Variants in ASIC2 observed in about 807,000 individuals in gnomAD.
The protein encoded by ASIC2 is acid sensing ion channel subunit 2, also known as acid-sensing ion channel 2.
Under a neutral mutation model 57.3 loss-of-function variants are expected in ASIC2, and 25 were observed. That is an observed-to-expected ratio of 0.44 (90% CI 0.32 to 0.61). The LOEUF (loss-of-function observed/expected upper bound fraction) is 0.61. Ranked by LOEUF, ASIC2 falls within the 20% of genes least tolerant of loss-of-function variation. The pLI, the probability that ASIC2 is intolerant of heterozygous loss-of-function variation, is 0.06. For missense variants in ASIC2, 641 were observed against 738.1 expected, an observed-to-expected ratio of 0.87 and a Z score of 1.52; for synonymous variants, 319 against 307.5, an observed-to-expected ratio of 1.04 and a Z score of -0.39.
rs1910068712 is a variant in ASIC2, at chr17:34,085,321, T to A, written c.555+70657A>T. On this transcript the variant is annotated intron_variant, in intron 1 of 9. Transcript: ENST00000359872. ...CATGTGGTTTTTGTCTTTGGTTCTGTTTATATGCTGGATTACATTTACTGA... is the reference window on the plus strand; with the variant it reads ...CATGTGGTTTTTGTCTTTGGTTCTGATTATATGCTGGATTACATTTACTGA... Among the ~76,000 whole-genome samples, 3 of 152,356 alleles carry A rather than the reference T, an allele frequency of 2.0e-5. No homozygotes were observed. In the South Asian group the frequency reaches 6.2e-4, roughly 32 times the overall value.
chr17:33,175,759 C>T (rs1452148244), intron 1 of ASIC2, among the ~76,000 whole-genome samples: 1 of 152,188 alleles, frequency 6.6e-6, no homozygotes, highest in African/African-American at 2.4e-5. Context: ...CCACTCAGAC[C>T]TTCCCATCTC....
At chr17:34,153,501 A>C (rs1293436208) in intron 1 of ASIC2, among the ~76,000 whole-genome samples, 4 of 152,214 alleles carry the variant, frequency 2.6e-5, no homozygotes, top group Non-Finnish European at 5.9e-5. Context: ...AAAAAGACAG[A>C]GGGACAAAGG....
At chr17:33,232,446 AATGGT>A (rs796183336) in intron 1 of ASIC2, among the ~76,000 whole-genome samples, 4,631 of 127,916 alleles carry the variant, frequency 0.036, 209 homozygotes, top group African/African-American at 0.11. Flanking sequence ...TATGGTATGG[AATGGT>A]ATGGTATGGT....
intron 1 of ASIC2, among the ~76,000 whole-genome samples, chr17:34,125,179 C>T (rs1043473435): frequency 6.6e-6 from 1 of 151,966 alleles, no homozygotes; most frequent in African/African-American, 2.4e-5. Context: ...GTGCTACTGA[C>T]ACACAACAGC....
intron 1 of ASIC2, among the ~76,000 whole-genome samples, chr17:33,151,166 A>AAC (rs958668226): frequency 3.4e-5 from 5 of 145,054 alleles, no homozygotes; most frequent in South Asian, 2.3e-4. Flanking sequence ...TCTCTACTAA[A>AAC]ACACACACAC....
At chr17:33,525,371 A>T (rs1278330667) in intron 1 of ASIC2, among the ~76,000 whole-genome samples, 1 of 151,040 alleles carries the variant, frequency 6.6e-6, no homozygotes, top group African/African-American at 2.4e-5. Flanking sequence ...TGAGGCTACC[A>T]CTCCACCACC....
chr17:33,656,292 A>ATC (rs937558352), intron 1 of ASIC2, among the ~76,000 whole-genome samples: 27 of 152,192 alleles, frequency 1.8e-4, no homozygotes, highest in African/African-American at 6.5e-4. Flanking sequence ...GAGAAAGAGA[A>ATC]TCAGATTGAC....
chr17:33,130,665 G>A (rs1304905703), intron 1 of ASIC2, among the ~76,000 whole-genome samples: 1 of 152,162 alleles, frequency 6.6e-6, no homozygotes, highest in African/African-American at 2.4e-5. Context: ...GGATAACCTT[G>A]GCCTGGATCC....
intron 1 of ASIC2, chr17:34,118,240 T>TACCAGTGGAATCAATGAGTAC (rs1911487193): frequency 6.6e-6 from 1 of 152,208 alleles, no homozygotes; most frequent in African/African-American, 2.4e-5. Flanking sequence ...AGTATACACC[T>TACCAGTGGAATCAATGAGTAC]CACAGAGCTA....
chr17:33,325,992 C>T (rs1907062353), intron 1 of ASIC2, among the ~76,000 whole-genome samples: 1 of 152,048 alleles, frequency 6.6e-6, no homozygotes, highest in Non-Finnish European at 1.5e-5. Context: ...CTGTTTTATC[C>T]TACTTAATTC....
chr17:33,579,798 A>G (rs942846892), intron 1 of ASIC2, among the ~76,000 whole-genome samples: 1 of 152,048 alleles, frequency 6.6e-6, no homozygotes, highest in Non-Finnish European at 1.5e-5. Flanking sequence ...CCACACCGTG[A>G]AAAACACCCC....
intron 1 of ASIC2, among the ~76,000 whole-genome samples, chr17:33,604,996 A>G (rs1044477591): frequency 6.6e-6 from 1 of 151,760 alleles, no homozygotes; most frequent in Non-Finnish European, 1.5e-5. Flanking sequence ...ATTGCCCTAC[A>G]CACATATATT....
chr17:33,632,320 A>C (rs1045396258), intron 1 of ASIC2, among the ~76,000 whole-genome samples: 85 of 152,188 alleles, frequency 5.6e-4, no homozygotes, highest in African/African-American at 2.0e-3. Context: ...AAAACAACAT[A>C]ATAATAACGC....
chr17:33,877,187 G>A (rs373995450), intron 1 of ASIC2, among the ~76,000 whole-genome samples: 19 of 152,310 alleles, frequency 1.2e-4, no homozygotes, highest in South Asian at 4.1e-4. Flanking sequence ...AGCTCCCAGC[G>A]TGAGCAACGC....
At chr17:34,057,885 T>C (rs894924743) in intron 1 of ASIC2, among the ~76,000 whole-genome samples, 4 of 151,536 alleles carry the variant, frequency 2.6e-5, no homozygotes, top group Non-Finnish European at 5.9e-5. Context: ...CTTTCCACAT[T>C]TTCACACTCC....
At chr17:33,261,826 G>A (rs899112141) in intron 1 of ASIC2, among the ~76,000 whole-genome samples, 5 of 138 alleles carry the variant, frequency 0.036, no homozygotes, top group Admixed American at 0.083. Context: ...CGAGGTGAAC[G>A]TGGGGGGTGC....
At chr17:33,307,046 C>T (rs559641902) in intron 1 of ASIC2, among the ~76,000 whole-genome samples, 1 of 152,074 alleles carries the variant, frequency 6.6e-6, no homozygotes, top group African/African-American at 2.4e-5. Flanking sequence ...CTTATAAAGC[C>T]CTTCTCACCC....
intron 3 of ASIC2, among the ~76,000 whole-genome samples, chr17:33,047,124 G>A (rs1192756236): frequency 1.3e-5 from 2 of 152,228 alleles, no homozygotes; most frequent in Non-Finnish European, 2.9e-5. Flanking sequence ...TCTTTTCAGT[G>A]GGGGAATAGT....
intron 1 of ASIC2, among the ~76,000 whole-genome samples, chr17:33,890,738 A>G (rs888438121): frequency 6.6e-6 from 1 of 152,162 alleles, no homozygotes; most frequent in Admixed American, 6.5e-5. Flanking sequence ...CTCTTCTCCA[A>G]TGGGAGAAGC....
Sources: allele counts gnomAD v4.1 joint callset (sites outside exome capture counted in the v4.1 genomes callset), GRCh38; gene constraint gnomAD v4.1.1; transcripts MANE v1.5; gene names NCBI Gene and HGNC (gene_info 2026-07-23, HGNC 2026-07-21).